The following C9orf50 variants were observed in gnomAD, a reference collection of about 807,000 sequenced individuals.
C9orf50 encodes uncharacterized protein C9orf50.
C9orf50 carries 33 observed loss-of-function variants against 42.5 expected under a neutral mutation model. The ratio of observed to expected loss-of-function variants is 0.78; its 90% CI spans 0.59 to 1.04. The LOEUF (loss-of-function observed/expected upper bound fraction) is 1.04, where lower values mean the gene tolerates loss of function less well. Ranked by LOEUF, C9orf50 falls within the 50% of genes least tolerant of loss-of-function variation. The pLI is 0.00. For missense variants in C9orf50, 547 were observed against 594.3 expected (o/e 0.92, Z 0.83); for synonymous variants, 257 against 273.4 (o/e 0.94, Z 0.59).
intron 6 of C9orf50, 126 bp downstream of exon 6, chr9:129,612,981 T>C (rs1191841650): frequency 1.6e-6 from 2 of 1,222,286 alleles, no homozygotes; most frequent in Non-Finnish European, 2.3e-6. Context: ...GCCCCCACGG[T>C]GACTTGGCTC....
rs1328735964 is a variant in C9orf50, at chr9:129,620,571, A to T, written c.4T>A (p.Phe2Ile). The change falls in exon 1 of 7, where the codon TTC (phenylalanine) becomes ATC (isoleucine). Residue 2 changes from phenylalanine (F) to isoleucine (I), a missense_variant. Phe to Ile is a conservative substitution (Grantham distance 21). Transcript: ENST00000372478. The surrounding 1 kb of genome is among the most constrained non-coding windows in gnomAD (Gnocchi z 5.8). ...GCCCCTGGGCGAAGTCGACGCCAGA[A>T]CATGCTTGGCCCCGCACTCAGCTCA... 1.5e-6 allele frequency: 2 copies of T among 1,366,868 alleles called. No homozygotes were observed. The highest frequency in any genetic ancestry group is 1.9e-6 in the Non-Finnish European group (2 of 1,058,336). The allele number at this position is 1,366,868 out of a possible 1,614,324, so 84.7% of individuals were successfully genotyped here.
rs1274482730 is a variant in C9orf50, at chr9:129,614,917, AAAAG to A, written c.880+563_880+566del. 1.3e-5 allele frequency among the ~76,000 whole-genome samples: 2 copies of A among 151,630 alleles called. No homozygotes were observed. Among genetic ancestry groups the A allele is most frequent in the African/African-American group, 2.4e-5 (1 of 41,092 alleles). On this transcript the variant is annotated intron_variant, in intron 4 of 6. Coordinates refer to ENST00000372478, the Ensembl canonical transcript of C9orf50. This position sits in a 1 kb window ranked among gnomAD's most constrained non-coding sequence, Gnocchi z 4.4. ...ACTCCGTATCAGAAAAAAAAAAAGA[AAAAG>A]AAAACTCACTGGGAACTGCAAAACA...
intron 4 of C9orf50, among the ~76,000 whole-genome samples, chr9:129,615,241 G>A (rs965956863): frequency 9.2e-5 from 14 of 152,314 alleles, no homozygotes; most frequent in African/African-American, 3.4e-4. Context: ...CCTTGGCAGC[G>A]AGCAGTCCAA....
In C9orf50 at chr9:129,613,711, AC is replaced by A. The variant is rs1588110308; in HGVS notation, c.881-115del. On this transcript the variant is annotated intron_variant, in intron 4 of 6. Coordinates refer to ENST00000372478, the Ensembl canonical transcript of C9orf50. This position sits in a 1 kb window ranked among gnomAD's most constrained non-coding sequence, Gnocchi z 6.2. ...CGGTCAGAGCCCTGTCTCCATGGCA[AC>A]CCCAGGCTCCCCAGCGCCTTCTGGC... 1 of 1,347,188 alleles carries A rather than the reference AC, an allele frequency of 7.4e-7. No individual in the cohort carries two copies. Among genetic ancestry groups the A allele is most frequent in the East Asian group, 2.4e-5 (1 of 42,382 alleles). 83.5% of individuals were successfully genotyped at this position (1,347,188 alleles called of 1,614,324 possible).
At chr9:129,615,361 G>T in intron 4 of C9orf50, 123 bp downstream of exon 4, 3 of 1,063,606 alleles carry the variant, frequency 2.8e-6, no homozygotes, top group Non-Finnish European at 3.9e-6. Context: ...TCCTCTGCAG[G>T]ATCACTGATC....
chr9:129,615,827 A>G (rs1830349602), intron 3 of C9orf50, among the ~76,000 whole-genome samples, 180 bp from the exon 4 acceptor site: 1 of 152,242 alleles, frequency 6.6e-6, no homozygotes, highest in Non-Finnish European at 1.5e-5. Context: ...AGGCAGGCTC[A>G]AGCACGCACA....
At position 129,620,615 on chromosome 9, in the gene C9orf50, TG is replaced by T; in HGVS notation, c.-42del. On this transcript the variant is annotated 5_prime_UTR_variant, in exon 1 of 7. An upstream open reading frame in the 5' UTR loses its in-frame stop. Coordinates refer to ENST00000372478, the Ensembl canonical transcript of C9orf50. This position sits in a 1 kb window ranked among gnomAD's most constrained non-coding sequence, Gnocchi z 5.8. ...CAGCTCACCGCACCCTCAGCGCGCG[TG>T]GGTGGGGGGCGCCGGCTGAGGTGGG... 7.7e-7 allele frequency: 1 copy of T among 1,299,156 alleles called. No homozygotes were observed. Among genetic ancestry groups the T allele is most frequent in the South Asian group, 2.7e-5 (1 of 37,410 alleles). 80.5% of individuals were successfully genotyped at this position (1,299,156 alleles called of 1,614,324 possible).
At position 129,619,641 on chromosome 9, in the gene C9orf50, A is replaced by G. The variant is rs761472313; in HGVS notation, c.600-5T>C. The G allele has an allele frequency of 1.9e-6, 3 of 1,613,894 alleles. No individual in the cohort carries two copies. Among genetic ancestry groups the G allele is most frequent in the Admixed American group, 1.7e-5 (1 of 60,006 alleles). ...TGGAGGTGCGATGACTGGCCCCTTA[A>G]AGACAAACAGGCCACATCTGGCATG... On this transcript the variant is annotated splice_polypyrimidine_tract_variant and splice_region_variant and intron_variant, in intron 2 of 6. Transcript: ENST00000372478.
Position 129,614,687 on chromosome 9 carries a change from G to A in C9orf50, c.880+797C>T, listed in dbSNP as rs1830263770. 6.6e-6 allele frequency among the ~76,000 whole-genome samples: 1 copy of A among 152,060 alleles called. No homozygotes were observed. The highest frequency in any genetic ancestry group is 2.4e-5 in the African/African-American group (1 of 41,406). ...GGGAGGCAGAGGCAGGTGGATCCCT[G>A]AGGTCAGGAGTTCGAGACCACCCTG... On this transcript the variant is annotated intron_variant, in intron 4 of 6. Coordinates refer to ENST00000372478, the Ensembl canonical transcript of C9orf50. This position sits in a 1 kb window ranked among gnomAD's most constrained non-coding sequence, Gnocchi z 4.4.
At chr9:129,619,434 T>TAC in intron 3 of C9orf50, 86 bp downstream of exon 3, 1 of 940,758 alleles carries the variant, frequency 1.1e-6, no homozygotes, top group African/African-American at 1.6e-5. Flanking sequence ...GATAAATGAA[T>TAC]ACATTCATGG....
exon 4 of C9orf50, chr9:129,615,487 A>G: frequency 6.3e-7 from 1 of 1,590,996 alleles, no homozygotes; most frequent in Non-Finnish European, 8.5e-7. Flanking sequence ...TGCTTACCTG[A>G]GCGTCTGCGC....
chr9:129,617,923 A>G (rs1469401164), intron 3 of C9orf50, among the ~76,000 whole-genome samples: 1 of 152,160 alleles, frequency 6.6e-6, no homozygotes, highest in Non-Finnish European at 1.5e-5. Flanking sequence ...GGCTCAAGCG[A>G]TCCTCCTGCC....
rs1387539615 is a variant in C9orf50, at chr9:129,620,714, C to T, written c.-140G>A. ...CGGTGCGGGGTGAACGCCACCGGCCCGGCGGACAGCGAGTGGCTTCAGGCG... is the reference window on the plus strand; with the variant it reads ...CGGTGCGGGGTGAACGCCACCGGCCTGGCGGACAGCGAGTGGCTTCAGGCG... On this transcript the variant is annotated 5_prime_UTR_variant, in exon 1 of 7. Coordinates refer to ENST00000372478, the Ensembl canonical transcript of C9orf50. The surrounding 1 kb of genome is among the most constrained non-coding windows in gnomAD (Gnocchi z 5.8). The T allele has an allele frequency of 6.9e-6, 5 of 724,052 alleles. No homozygotes were observed. The African/African-American group carries it at 9.2e-5, about 13-fold the overall frequency. 44.9% of individuals were successfully genotyped at this position (724,052 alleles called of 1,614,324 possible).
At chr9:129,615,132 A>G (rs1257582772) in intron 4 of C9orf50, among the ~76,000 whole-genome samples, 5 of 152,200 alleles carry the variant, frequency 3.3e-5, no homozygotes, top group Admixed American at 3.3e-4. Flanking sequence ...GACCTCCTCC[A>G]GCCCCTGTAG....
intron 3 of C9orf50, 119 bp from the exon 4 acceptor site, chr9:129,615,766 G>T: frequency 1.8e-6 from 2 of 1,126,320 alleles, no homozygotes; most frequent in Non-Finnish European, 2.4e-6. Context: ...CTTGAAGAAT[G>T]GATAACGCCA....
chr9:129,615,450 G>C (rs761137585), intron 4 of C9orf50, 34 bp downstream of exon 4: 2 of 1,527,842 alleles, frequency 1.3e-6, no homozygotes, highest in Non-Finnish European at 1.8e-6. Context: ...TAGAACTTTC[G>C]GGAGTCTCGA....
intron 1 of C9orf50, 79 bp downstream of exon 1, chr9:129,619,988 T>C (rs1830595776): frequency 6.8e-6 from 10 of 1,467,234 alleles, no homozygotes; most frequent in Non-Finnish European, 7.3e-6. Context: ...GGTGGTGGGG[T>C]GGTGGGTGCG....
In C9orf50 at chr9:129,620,060, G is replaced by T. The variant is rs1830602721; in HGVS notation, c.508+7C>A. On this transcript the variant is annotated splice_region_variant and intron_variant, in intron 1 of 6. Coordinates refer to ENST00000372478, the Ensembl canonical transcript of C9orf50. The surrounding 1 kb of genome is among the most constrained non-coding windows in gnomAD (Gnocchi z 5.8). ...GGGCCCGCCCCCCGGGCCCCGCGGG[G>T]CCTCACTCAGTGGCTCCGGCTCCTC... 2 of 1,450,520 alleles carry T rather than the reference G, an allele frequency of 1.4e-6. No homozygotes were observed. Among genetic ancestry groups the T allele is most frequent in the Non-Finnish European group, 1.8e-6 (2 of 1,100,228 alleles). The allele number at this position is 1,450,520 out of a possible 1,614,324, so 89.9% of individuals were successfully genotyped here. A position where few individuals can be genotyped will look rare whatever the true frequency, so the allele number is the denominator to read the frequency against.
In C9orf50 at chr9:129,620,404, GC is replaced by G. The variant is rs1423916757; in HGVS notation, c.170del (p.Gly57AlafsTer87). 4.9e-6 allele frequency: 6 copies of G among 1,236,336 alleles called. No homozygotes were observed. The highest frequency in any genetic ancestry group is 3.7e-5 in the South Asian group (1 of 26,920). The allele number at this position is 1,236,336 out of a possible 1,614,324, so 76.6% of individuals were successfully genotyped here. On this transcript the variant is annotated frameshift_variant, in exon 1 of 7. Coordinates refer to ENST00000372478, the Ensembl canonical transcript of C9orf50. LOFTEE classifies it high-confidence loss of function. The surrounding 1 kb of genome is among the most constrained non-coding windows in gnomAD (Gnocchi z 5.8). The stretch of plus-strand genomic sequence containing the variant: ...CCCCTTCCGGCCACCACGCGGCGCC[GC>G]CCCCCGGGATCCTCCAGTCCCCGGA...
Sources: gnomAD v4.1 joint callset for allele counts (sites outside exome capture counted in the v4.1 genomes callset) on GRCh38, gnomAD v4.1.1 for gene constraint, Gnocchi (gnomAD v3.1) non-coding constraint, MANE v1.5 for transcripts, NCBI Gene and HGNC (gene_info 2026-07-23, HGNC 2026-07-21) for gene names.